WLS: variants seen among roughly 807,000 people sequenced by gnomAD.
The protein encoded by WLS is Wnt ligand secretion mediator, also known as protein wntless homolog.
Under a neutral mutation model 62.8 loss-of-function variants are expected in WLS, and 23 were observed. The ratio of observed to expected loss-of-function variants is 0.37; its 90% confidence interval spans 0.26 to 0.52. WLS has a LOEUF of 0.52. Among genes scored for constraint, WLS ranks in the 20% least tolerant of loss-of-function variants. The probability of loss-of-function intolerance (pLI) is 0.92; values close to 1 mark genes in which losing one functional copy is unlikely to be tolerated. For synonymous variants in WLS, 246 were observed against 244.1 expected, an observed-to-expected ratio of 1.01 and a Z score of -0.07; for missense variants, 615 against 697.3, an observed-to-expected ratio of 0.88 and a Z score of 1.33.
chr1:68,216,273 C>G lies in WLS; in HGVS notation c.106+15921G>C, dbSNP rs148140273. Among the ~76,000 whole-genome samples, 93 of 152,298 alleles carry G rather than the reference C, an allele frequency of 6.1e-4. 1 individual carries two copies. Among genetic ancestry groups the G allele is most frequent in the Admixed American group, 5.0e-3 (76 of 15,304 alleles). The stretch of plus-strand genomic sequence containing the variant: ...CTACTGCCTTGCCAAATAAACCATA[C>G]CACAAACAGTTACTCCCCATCTCAG... On this transcript the variant is annotated intron_variant, in intron 1 of 11. Transcript: ENST00000262348.
intron 11 of WLS, among the ~76,000 whole-genome samples, chr1:68,103,399 T>C (rs1011927633): frequency 1.3e-5 from 2 of 152,204 alleles, no homozygotes; most frequent in Non-Finnish European, 2.9e-5. Flanking sequence ...AAGGTGTTTT[T>C]TCCTGCTGCT....
intron 1 of WLS, among the ~76,000 whole-genome samples, chr1:68,206,665 A>G (rs921001612): frequency 6.6e-6 from 1 of 152,270 alleles, no homozygotes; most frequent in Non-Finnish European, 1.5e-5. Flanking sequence ...AGAATAAATT[A>G]TCCCAGGACT....
At chr1:68,126,833 A>G (rs565858826) in intron 11 of WLS, among the ~76,000 whole-genome samples, 1 of 152,218 alleles carries the variant, frequency 6.6e-6, no homozygotes, top group African/African-American at 2.4e-5. Context: ...GATGGGCTAA[A>G]CCAGCATAAC....
chr1:68,119,462 C>T (rs1438552729), intron 11 of WLS, among the ~76,000 whole-genome samples: 1 of 152,214 alleles, frequency 6.6e-6, no homozygotes, highest in Non-Finnish European at 1.5e-5. Flanking sequence ...ATGGGTGCCT[C>T]ACCCATATTC....
chr1:68,098,931 C>T, intron 11 of WLS: 1 of 944,138 alleles, frequency 1.1e-6, no homozygotes, highest in Non-Finnish European at 1.5e-6. Flanking sequence ...TTGCAGATTT[C>T]TCCCTTGCCC....
chr1:68,117,140 G>T (rs866504388), intron 11 of WLS, among the ~76,000 whole-genome samples: 6 of 151,002 alleles, frequency 4.0e-5, no homozygotes, highest in African/African-American at 1.5e-4. Flanking sequence ...ATTTCCCCCT[G>T]CCCCCACACT....
At chr1:68,113,603 G>C (rs899173214) in intron 11 of WLS, among the ~76,000 whole-genome samples, 2 of 152,192 alleles carry the variant, frequency 1.3e-5, no homozygotes, top group Non-Finnish European at 2.9e-5. Flanking sequence ...CCCTTGGGTA[G>C]GGGACGTGGC....
At position 68,193,951 on chromosome 1, in the gene WLS, T is replaced by C. The variant is rs763951068; in HGVS notation, c.379+4A>G. 6.2e-7 allele frequency: 1 copy of C among 1,612,790 alleles called. No homozygotes were observed. The highest frequency in any genetic ancestry group is 8.5e-7 in the Non-Finnish European group (1 of 1,179,128). ...GAAAGGGATGAGAGGAGAGTACACT[T>C]AACTGATTTGGTTGTTTAGCTTGAA... On this transcript the variant is annotated splice_donor_region_variant and intron_variant, in intron 2 of 11. Transcript: ENST00000262348.
chr1:68,215,312 C>T (rs892294651), intron 1 of WLS, among the ~76,000 whole-genome samples: 3 of 152,140 alleles, frequency 2.0e-5, no homozygotes, highest in South Asian at 2.1e-4. Flanking sequence ...GGAACAACCA[C>T]GCAAGTCATA....
chr1:68,169,931 G>A (rs1647121201), intron 2 of WLS, among the ~76,000 whole-genome samples: 1 of 152,172 alleles, frequency 6.6e-6, no homozygotes, highest in South Asian at 2.1e-4. Context: ...TGGAAGATGA[G>A]TAAGAGCTCA....
chr1:68,106,740 GTGTGTGTGTGTA>G (rs1338621893), intron 11 of WLS, among the ~76,000 whole-genome samples: 26 of 150,450 alleles, frequency 1.7e-4, no homozygotes, highest in African/African-American at 6.2e-4. Context: ...GTGTGTGTGT[GTGTGTGTGTGTA>G]TGTGTGGGTA....
intron 2 of WLS, among the ~76,000 whole-genome samples, chr1:68,159,655 G>T (rs753532742): frequency 6.6e-6 from 1 of 152,130 alleles, no homozygotes; most frequent in Non-Finnish European, 1.5e-5. Context: ...ACATCTGCCT[G>T]CATTCTCTTT....
chr1:68,103,447 C>G (rs181763367), intron 11 of WLS, among the ~76,000 whole-genome samples: 1 of 152,162 alleles, frequency 6.6e-6, no homozygotes, highest in African/African-American at 2.4e-5. Context: ...GGGAGCACTG[C>G]GGTGCCCTTC....
chr1:68,228,313 G>C (rs1650252552), intron 1 of WLS: 1 of 411,810 alleles, frequency 2.4e-6, no homozygotes, highest in Non-Finnish European at 4.7e-6. Flanking sequence ...ACTCTTAGCA[G>C]TTTTAGAAGA....
chr1:68,162,310 A>C (rs999120267), intron 2 of WLS: 195 of 1,613,236 alleles, frequency 1.2e-4, no homozygotes, highest in Non-Finnish European at 1.9e-5. Context: ...TCCCTGCCTC[A>C]TCTGCTTTAT....
At chr1:68,213,258 C>G (rs530895182) in intron 1 of WLS, among the ~76,000 whole-genome samples, 1 of 152,094 alleles carries the variant, frequency 6.6e-6, no homozygotes, top group Admixed American at 6.5e-5. Context: ...CAAGACCAGC[C>G]TGGTCAACAT....
chr1:68,136,995 T>A (rs140285950), intron 11 of WLS, among the ~76,000 whole-genome samples: 2 of 152,254 alleles, frequency 1.3e-5, no homozygotes, highest in African/African-American at 4.8e-5. Flanking sequence ...AGAGACAGAA[T>A]GAGGAATAAG....
chr1:68,148,328 G>A (rs975422103), intron 7 of WLS, 129 bp from the exon 8 acceptor site: 1 of 1,049,860 alleles, frequency 9.5e-7, no homozygotes, highest in Non-Finnish European at 1.4e-6. Context: ...AAACATTACA[G>A]AAATCCTAAA....
intron 2 of WLS, chr1:68,163,009 C>A (rs1647004676): frequency 1.3e-6 from 2 of 1,593,718 alleles, no homozygotes; most frequent in Non-Finnish European, 1.7e-6. Context: ...TGCAGGGGGC[C>A]GTTCATGATC....
Sources: gnomAD v4.1 joint callset for allele counts (sites outside exome capture counted in the v4.1 genomes callset) on GRCh38, gnomAD v4.1.1 for gene constraint, MANE v1.5 for transcripts, NCBI Gene and HGNC (gene_info 2026-07-23, HGNC 2026-07-21) for gene names.